MYD88: variants seen among roughly 807,000 people sequenced by gnomAD.
MYD88 encodes MYD88 innate immune signal transduction adaptor, also known as myeloid differentiation primary response protein MyD88.
In MYD88, 15 loss-of-function variants were observed where a neutral mutation model predicts 31.1. The observed-to-expected ratio is 0.48, with a 90% confidence interval of 0.32 to 0.74. MYD88 has a LOEUF of 0.74. MYD88 is among the 30% of genes least tolerant of loss of function. The pLI is 0.03. For synonymous variants in MYD88, 157 were observed against 158.8 expected (o/e 0.99, Z 0.08); for missense variants, 308 against 387.4 (o/e 0.79, Z 1.72).
At position 38,140,449 on chromosome 3, in the gene MYD88, G is replaced by T. The variant is rs760919903; in HGVS notation, c.525G>T (p.Val175=). ...ATTGCCCCAGCGACATCCAGTTTGT[G>T]CAGGAGATGATCCGGCAACTGGAAC... ...ICYCPSDIQF[V]QEMIRQLEQT... Residue 175 remains valine (V), a synonymous_variant, in exon 3 of 5, where the codon GTG becomes GTT. Coordinates refer to ENST00000650905, the MANE Select transcript of MYD88 (RefSeq NM_002468.5). 1 of 1,614,254 alleles carries T rather than the reference G, an allele frequency of 6.2e-7. No individual in the cohort carries two copies. The highest frequency in any genetic ancestry group is 8.5e-7 in the Non-Finnish European group (1 of 1,180,046).
In MYD88 at chr3:38,138,834, C is replaced by G. The variant is rs2125775592; in HGVS notation, c.134C>G (p.Ala45Gly). The G allele has an allele frequency of 6.2e-7, 1 of 1,613,792 alleles. No homozygotes were observed. The highest frequency in any genetic ancestry group is 1.3e-5 in the African/African-American group (1 of 75,072). The change falls in exon 1 of 5, where the codon GCC becomes GGC. Residue 45 changes from alanine (A) to glycine (G), a missense_variant. Physicochemically the swap from Ala to Gly is moderately conservative, Grantham distance 60. Transcript: ENST00000650905. The surrounding 1 kb of genome is among the most constrained non-coding windows in gnomAD (Gnocchi z 6.4). ...LFLNVRTQVA[A>G]DWTALAEEMD... ...TTGAACGTGCGGACACAGGTGGCGG[C>G]CGACTGGACCGCGCTGGCGGAGGAG...
At chr3:38,140,046 T>A in intron 2 of MYD88, 48 bp downstream of exon 2, 1 of 1,606,744 alleles carries the variant, frequency 6.2e-7, no homozygotes, top group Non-Finnish European at 8.5e-7. Context: ...TAGGACATTG[T>A]GGTGTTAAGA....
chr3:38,139,073 G>A lies in MYD88; in HGVS notation c.328+45G>A, dbSNP rs2125776345. On this transcript the variant is annotated intron_variant, in intron 1 of 4. Coordinates refer to ENST00000650905, the MANE Select transcript of MYD88 (RefSeq NM_002468.5). This position sits in a 1 kb window ranked among gnomAD's most constrained non-coding sequence, Gnocchi z 4.7. ...GGCCTCGTACCTGGGGGGTGAGGAG[G>A]CTGACTTTCCGCGGCCTCAGCATCC... 1.9e-6 allele frequency: 3 copies of A among 1,581,052 alleles called. No individual in the cohort carries two copies. Among genetic ancestry groups the A allele is most frequent in the Non-Finnish European group, 2.6e-6 (3 of 1,168,724 alleles).
chr3:38,141,360 C>T lies in MYD88; in HGVS notation c.*74C>T, dbSNP rs1423772248. On this transcript the variant is annotated 3_prime_UTR_variant, in exon 5 of 5. Coordinates refer to ENST00000650905, the MANE Select transcript of MYD88 (RefSeq NM_002468.5). Reference sequence around the variant, plus strand: ...GTACTTCTGCCCTGCCTCCTCCTTTCGTTGTAGGAGGAATCTGTGCTCTAC... The same window carrying T: ...GTACTTCTGCCCTGCCTCCTCCTTTTGTTGTAGGAGGAATCTGTGCTCTAC... 8.2e-6 allele frequency: 13 copies of T among 1,576,960 alleles called. No homozygotes were observed. Among genetic ancestry groups the T allele is most frequent in the Non-Finnish European group, 9.6e-6 (11 of 1,146,908 alleles).
intron 4 of MYD88, 46 bp downstream of exon 4, chr3:38,140,894 T>C: frequency 6.4e-7 from 1 of 1,571,216 alleles, no homozygotes; most frequent in Non-Finnish European, 8.8e-7. Flanking sequence ...AATGTGTAGG[T>C]GGGGCCTCTG....
At position 38,138,878 on chromosome 3, in the gene MYD88, G is replaced by A; in HGVS notation, c.178G>A (p.Glu60Lys). 2 of 1,613,784 alleles carry A rather than the reference G, an allele frequency of 1.2e-6. No homozygotes were observed. Among genetic ancestry groups the A allele is most frequent in the Non-Finnish European group, 1.7e-6 (2 of 1,180,024 alleles). The change falls in exon 1 of 5, where the codon GAG becomes AAG. Residue 60 changes from glutamate (E) to lysine (K), a missense_variant. Glu to Lys is a moderately conservative substitution (Grantham distance 56). Coordinates refer to ENST00000650905, the MANE Select transcript of MYD88 (RefSeq NM_002468.5). The surrounding 1 kb of genome is among the most constrained non-coding windows in gnomAD (Gnocchi z 6.4). ...LAEEMDFEYL[E>K]IRQLETQADP... The stretch of plus-strand genomic sequence containing the variant: ...GGAGGAGATGGACTTTGAGTACTTG[G>A]AGATCCGGCAACTGGAGACACAAGC...
In MYD88 at chr3:38,139,139, C is replaced by A; in HGVS notation, c.328+111C>A. On this transcript the variant is annotated intron_variant, in intron 1 of 4. Transcript: ENST00000650905. The surrounding 1 kb of genome is among the most constrained non-coding windows in gnomAD (Gnocchi z 4.7). ...GACCCCATTTCCTGCCTCGGGGGCC[C>A]GAAGAAGCCTGCAGAGGGAGAACCA... is the stretch of plus-strand genomic sequence containing the variant. 1 of 1,391,614 alleles carries A rather than the reference C, an allele frequency of 7.2e-7. No homozygotes were observed. The highest frequency in any genetic ancestry group is 1.4e-5 in the African/African-American group (1 of 69,238). 86.2% of individuals were successfully genotyped at this position (1,391,614 alleles called of 1,614,324 possible).
intron 3 of MYD88, 69 bp downstream of exon 3, chr3:38,140,637 C>A: frequency 6.2e-7 from 1 of 1,606,308 alleles, no homozygotes; most frequent in South Asian, 1.1e-5. Context: ...AGATACTGGG[C>A]ATCTCCTCCT....
rs2125776589 is a variant in MYD88 at position 38,139,202 on chromosome 3, A to G, written c.328+174A>G. On this transcript the variant is annotated intron_variant, in intron 1 of 4. Coordinates refer to ENST00000650905, the MANE Select transcript of MYD88 (RefSeq NM_002468.5). This position sits in a 1 kb window ranked among gnomAD's most constrained non-coding sequence, Gnocchi z 4.7. ...TCCTTCTTAATAACCGGTCGCGGTT[A>G]TTAAGAAGGACTGGAGAAAGGTCCG... The G allele has an allele frequency of 1.1e-6, 1 of 898,232 alleles. No homozygotes were observed. Among genetic ancestry groups the G allele is most frequent in the Non-Finnish European group, 1.6e-6 (1 of 610,796 alleles). 55.6% of individuals were successfully genotyped at this position (898,232 alleles called of 1,614,324 possible).
chr3:38,140,599 G>A (rs2125779059), intron 3 of MYD88, 31 bp downstream of exon 3: 2 of 1,613,840 alleles, frequency 1.2e-6, no homozygotes, highest in Non-Finnish European at 8.5e-7. Context: ...GTGGGTGCGT[G>A]GATGCATGAA....
rs1224202791 is a variant in MYD88 at position 38,140,396 on chromosome 3, C to T, written c.472C>T (p.Pro158Ser). The T allele has an allele frequency of 3.7e-6, 6 of 1,614,178 alleles. No individual in the cohort carries two copies. Among genetic ancestry groups the T allele is most frequent in the East Asian group, 2.2e-5 (1 of 44,876 alleles). Residue 158 changes from proline to serine, a missense_variant, in exon 3 of 5, where the codon CCT becomes TCT. Physicochemically the swap from Pro to Ser is moderately conservative, Grantham distance 74. Transcript: ENST00000650905. ...TTLDDPLGHM[P>S]ERFDAFICYC... is the part of the protein sequence containing the mutation. ...TTGTGCTCTGCACCCAGGGCATATGCCTGAGCGTTTCGATGCCTTCATCTG... is the reference window on the plus strand; with the variant it reads ...TTGTGCTCTGCACCCAGGGCATATGTCTGAGCGTTTCGATGCCTTCATCTG...
At position 38,142,690 on chromosome 3, in the gene MYD88, G is replaced by A. The variant is rs1211427746; in HGVS notation, c.*1404G>A. 5 of 233,108 alleles carry A rather than the reference G, an allele frequency of 2.1e-5. No homozygotes were observed. Among genetic ancestry groups the A allele is most frequent in the Non-Finnish European group, 3.4e-5 (4 of 118,046 alleles). 14.4% of individuals were successfully genotyped at this position (233,108 alleles called of 1,614,324 possible). A position where few individuals can be genotyped will look rare whatever the true frequency, so the allele number is the denominator to read the frequency against. On this transcript the variant is annotated 3_prime_UTR_variant, in exon 5 of 5. Transcript: ENST00000650905. ...ATGGTCTTAGGTGTCTGTGCCCCAG[G>A]ACAGACCCTAGGACCCTAAATCCAA... is the stretch of plus-strand genomic sequence containing the variant.
Position 38,142,042 on chromosome 3 carries a change from GGTC to G in MYD88, c.*757_*759del. On this transcript the variant is annotated 3_prime_UTR_variant, in exon 5 of 5. Transcript: ENST00000650905. ...CATTTCCACCTGTCAGGATGCCTGT[GGTC>G]ATGCTCTCAGCTCCACCTGGCATGA... 8.5e-6 allele frequency: 2 copies of G among 235,708 alleles called. No individual in the cohort carries two copies. The highest frequency in any genetic ancestry group is 5.5e-5 in the Admixed American group (1 of 18,330). 14.6% of individuals were successfully genotyped at this position (235,708 alleles called of 1,614,324 possible). A position where few individuals can be genotyped will look rare whatever the true frequency, so the allele number is the denominator to read the frequency against.
Position 38,141,433 on chromosome 3 carries a change from C to A in MYD88, c.*147C>A. On this transcript the variant is annotated 3_prime_UTR_variant, in exon 5 of 5. Transcript: ENST00000650905. ...GCCAACTTCACAGACACGTCTGCAG[C>A]AGCTGGACATCACATTTCATGTCCT... 2.8e-6 allele frequency: 3 copies of A among 1,058,268 alleles called. No individual in the cohort carries two copies. The highest frequency in any genetic ancestry group is 1.5e-5 in the African/African-American group (1 of 64,760). The allele number at this position is 1,058,268 out of a possible 1,614,324, so 65.6% of individuals were successfully genotyped here.
Position 38,141,458 on chromosome 3 carries a change from T to A in MYD88, c.*172T>A. 2.3e-6 allele frequency: 2 copies of A among 861,684 alleles called. No homozygotes were observed. The highest frequency in any genetic ancestry group is 3.8e-6 in the Non-Finnish European group (2 of 527,910). The allele number at this position is 861,684 out of a possible 1,614,324, so 53.4% of individuals were successfully genotyped here. A position where few individuals can be genotyped will look rare whatever the true frequency, so the allele number is the denominator to read the frequency against. The stretch of plus-strand genomic sequence containing the variant: ...CAGCTGGACATCACATTTCATGTCC[T>A]GCATGGAACCAGTGGCTGTGAGTGG... On this transcript the variant is annotated 3_prime_UTR_variant, in exon 5 of 5. Transcript: ENST00000650905.
At position 38,139,781 on chromosome 3, in the gene MYD88, G is replaced by A. The variant is rs1229990253; in HGVS notation, c.329-83G>A. On this transcript the variant is annotated intron_variant, in intron 1 of 4. Transcript: ENST00000650905. The surrounding 1 kb of genome is among the most constrained non-coding windows in gnomAD (Gnocchi z 4.7). ...CTCTAGAACAACCCAGCCAGAGGAG[G>A]TGGGACAGCGGCTGGATCCTGACTG... The A allele has an allele frequency of 6.4e-7, 1 of 1,573,412 alleles. No homozygotes were observed. The highest frequency in any genetic ancestry group is 8.7e-7 in the Non-Finnish European group (1 of 1,154,192).
At position 38,141,431 on chromosome 3, in the gene MYD88, A is replaced by G; in HGVS notation, c.*145A>G. 9.2e-7 allele frequency: 1 copy of G among 1,090,756 alleles called. No homozygotes were observed. Among genetic ancestry groups the G allele is most frequent in the Non-Finnish European group, 1.4e-6 (1 of 719,622 alleles). 67.6% of individuals were successfully genotyped at this position (1,090,756 alleles called of 1,614,324 possible). A position where few individuals can be genotyped will look rare whatever the true frequency, so the allele number is the denominator to read the frequency against. ...ATGCCAACTTCACAGACACGTCTGC[A>G]GCAGCTGGACATCACATTTCATGTC... On this transcript the variant is annotated 3_prime_UTR_variant, in exon 5 of 5. Coordinates refer to ENST00000650905, the MANE Select transcript of MYD88 (RefSeq NM_002468.5).
Position 38,138,928 on chromosome 3 carries a change from C to T in MYD88, c.228C>T (p.Asp76=), listed in dbSNP as rs772142703. ...CGGACCCCACTGGCAGGCTGCTGGA[C>T]GCCTGGCAGGGACGCCCTGGCGCCT... is the stretch of plus-strand genomic sequence containing the variant. ...TQADPTGRLL[D]AWQGRPGASV... Residue 76 remains aspartate (D), a synonymous_variant, in exon 1 of 5, where the codon GAC becomes GAT. Coordinates refer to ENST00000650905, the MANE Select transcript of MYD88 (RefSeq NM_002468.5). The surrounding 1 kb of genome is among the most constrained non-coding windows in gnomAD (Gnocchi z 6.4). 1 of 1,612,196 alleles carries T rather than the reference C, an allele frequency of 6.2e-7. No individual in the cohort carries two copies. Among genetic ancestry groups the T allele is most frequent in the Non-Finnish European group, 8.5e-7 (1 of 1,180,014 alleles).
chr3:38,140,471 G>C lies in MYD88; in HGVS notation c.547G>C (p.Glu183Gln), dbSNP rs748012823. 2 of 1,614,226 alleles carry C rather than the reference G, an allele frequency of 1.2e-6. No homozygotes were observed. The highest frequency in any genetic ancestry group is 1.7e-6 in the Non-Finnish European group (2 of 1,180,040). The change falls in exon 3 of 5, where the codon GAA (glutamate) becomes CAA (glutamine). Residue 183 changes from glutamate (E) to glutamine (Q), a missense_variant. Glu to Gln is a conservative substitution (Grantham distance 29, BLOSUM62 2). Coordinates refer to ENST00000650905, the MANE Select transcript of MYD88 (RefSeq NM_002468.5). ...QFVQEMIRQL[E>Q]QTNYRLKLCV... ...TGTGCAGGAGATGATCCGGCAACTG[G>C]AACAGACAAACTATCGACTGAAGTT...
Sources: allele counts gnomAD v4.1 joint callset, GRCh38; gene constraint gnomAD v4.1.1; non-coding constraint Gnocchi (gnomAD v3.1); transcripts MANE v1.5; gene names NCBI Gene and HGNC (gene_info 2026-07-23, HGNC 2026-07-21).